HMGN5: variants seen among roughly 807,000 people sequenced by gnomAD.
The protein encoded by HMGN5 is high mobility group nucleosome-binding domain-containing protein 5.
Under a neutral mutation model 9.5 loss-of-function variants are expected in HMGN5, and 4 were observed. The ratio of observed to expected loss-of-function variants is 0.42; its 90% confidence interval spans 0.21 to 0.96. The LOEUF is 0.96. Ranked by LOEUF, HMGN5 falls within the 40% of genes least tolerant of loss-of-function variation. The pLI is 0.30. For synonymous variants in HMGN5, 55 were observed against 57.1 expected (o/e 0.96, Z 0.16); for missense variants, 192 against 187.5 (o/e 1.02, Z -0.14).
chrX:81,184,280 T>C (rs1280066106), intron 1 of HMGN5, among the ~76,000 whole-genome samples: 1 of 111,471 alleles, frequency 9.0e-6, no homozygotes, highest in African/African-American at 3.3e-5. Flanking sequence ...TATAGTACCT[T>C]CTGCCCCCTT....
intron 1 of HMGN5, among the ~76,000 whole-genome samples, chrX:81,135,285 A>G (rs2075308185): frequency 8.9e-6 from 1 of 111,800 alleles, no homozygotes; most frequent in Admixed American, 9.5e-5. Context: ...AAAAAGACAA[A>G]CAACCCAATT....
At chrX:81,147,399 GT>G (rs1028263654) in intron 1 of HMGN5, among the ~76,000 whole-genome samples, 4 of 111,418 alleles carry the variant, frequency 3.6e-5, no homozygotes, top group Non-Finnish European at 7.5e-5. Context: ...CAAAAACCAC[GT>G]GATTATTTAA....
At position 81,119,952 on chromosome X, in the gene HMGN5, G is replaced by T. The variant is rs766586208; in HGVS notation, c.16-135C>A. ...CCTGGGTTCCTGCTCAAGTAGACAC[G>T]TGTTGTTTCTTAGGAACCATGCTAC... On this transcript the variant is annotated intron_variant, in intron 2 of 6. Transcript: ENST00000358130. 9.0e-6 allele frequency: 5 copies of T among 554,730 alleles called. No homozygotes were observed. The African/African-American group carries it at 9.2e-5, about 10-fold the overall frequency. 45.7% of individuals were successfully genotyped at this position (554,730 alleles called of 1,213,427 possible).
At chrX:81,122,362 G>C (rs2075271599) in intron 1 of HMGN5, among the ~76,000 whole-genome samples, 1 of 111,864 alleles carries the variant, frequency 8.9e-6, no homozygotes, top group African/African-American at 3.2e-5. Flanking sequence ...CTATCCAAAT[G>C]AAAAACACTG....
intron 1 of HMGN5, among the ~76,000 whole-genome samples, chrX:81,198,997 A>G (rs1462554599): frequency 1.8e-5 from 2 of 111,922 alleles, no homozygotes; most frequent in Non-Finnish European, 3.8e-5. Flanking sequence ...TCAGCCCAAA[A>G]TCTCCTTAAG....
intron 1 of HMGN5, among the ~76,000 whole-genome samples, chrX:81,140,384 C>G (rs185075377): frequency 5.5e-5 from 6 of 109,745 alleles, no homozygotes; most frequent in African/African-American, 2.0e-4. Flanking sequence ...CAAGGTGAAA[C>G]CCCGTCTCTG....
intron 1 of HMGN5, among the ~76,000 whole-genome samples, chrX:81,148,000 A>G (rs2075350129): frequency 8.9e-6 from 1 of 111,979 alleles, no homozygotes; most frequent in South Asian, 3.7e-4. Context: ...AACAAATGGA[A>G]AAACATTCCA....
At chrX:81,170,095 A>T (rs1473260321) in intron 1 of HMGN5, among the ~76,000 whole-genome samples, 7 of 107,589 alleles carry the variant, frequency 6.5e-5, no homozygotes, top group African/African-American at 2.4e-4. Context: ...TACCACCAGC[A>T]GCAATAACCT....
chrX:81,177,620 C>G (rs2075447157), intron 1 of HMGN5, among the ~76,000 whole-genome samples: 1 of 110,018 alleles, frequency 9.1e-6, no homozygotes, highest in African/African-American at 3.3e-5. Flanking sequence ...TAATGGGAGA[C>G]TTTAACACCC....
chrX:81,190,573 T>G (rs1427564468), intron 1 of HMGN5, among the ~76,000 whole-genome samples: 1 of 111,714 alleles, frequency 9.0e-6, no homozygotes, highest in Non-Finnish European at 1.9e-5. Context: ...TTTGTTAATT[T>G]TAATGATGTT....
At chrX:81,117,259 C>G (rs757299246) in intron 5 of HMGN5, among the ~76,000 whole-genome samples, 1 of 78,401 alleles carries the variant, frequency 1.3e-5, no homozygotes, top group Non-Finnish European at 2.4e-5. Flanking sequence ...CTTTTTTTTC[C>G]GTTTTTTTTT....
At chrX:81,168,822 TCTGTGATCC>T (rs2075418020) in intron 1 of HMGN5, among the ~76,000 whole-genome samples, 1 of 111,753 alleles carries the variant, frequency 8.9e-6, no homozygotes. Flanking sequence ...ACTTTCTATG[TCTGTGATCC>T]CAGTGCTTGG....
At chrX:81,153,227 C>T (rs1012912148) in intron 1 of HMGN5, among the ~76,000 whole-genome samples, 4 of 108,186 alleles carry the variant, frequency 3.7e-5, no homozygotes, top group Admixed American at 2.0e-4. Context: ...AAATCCTCAA[C>T]GAAATACTTC....
intron 1 of HMGN5, among the ~76,000 whole-genome samples, chrX:81,159,457 G>A (rs888671400): frequency 4.5e-5 from 5 of 111,227 alleles, no homozygotes; most frequent in African/African-American, 9.8e-5. Context: ...CTATCAATAC[G>A]TGTAGTGCTT....
At chrX:81,151,512 G>A (rs1275492522) in intron 1 of HMGN5, among the ~76,000 whole-genome samples, 4 of 109,311 alleles carry the variant, frequency 3.7e-5, no homozygotes, top group Non-Finnish European at 5.8e-5. Flanking sequence ...GATGGGGATG[G>A]CATTGAATCT....
At chrX:81,169,422 C>G (rs779396473) in intron 1 of HMGN5, among the ~76,000 whole-genome samples, 1 of 111,401 alleles carries the variant, frequency 9.0e-6, no homozygotes, top group Admixed American at 9.6e-5. Context: ...TATCCTCAAC[C>G]ACTGTTCCAC....
chrX:81,198,912 C>CA (rs1373520854), intron 1 of HMGN5, among the ~76,000 whole-genome samples: 3 of 111,598 alleles, frequency 2.7e-5, no homozygotes, highest in Non-Finnish European at 5.6e-5. Context: ...AATGGGTATT[C>CA]AATTAGGAAA....
chrX:81,130,409 C>T, intron 1 of HMGN5, among the ~76,000 whole-genome samples: 1 of 111,501 alleles, frequency 9.0e-6, no homozygotes, highest in Non-Finnish European at 1.9e-5. Context: ...GATGATAAAG[C>T]TAGTAATTGT....
At position 81,114,533 on chromosome X, in the gene HMGN5, A is replaced by T; in HGVS notation, c.*116T>A. 2 of 659,392 alleles carry T rather than the reference A, an allele frequency of 3.0e-6. No homozygotes were observed. The highest frequency in any genetic ancestry group is 2.3e-5 in the African/African-American group (1 of 44,235). The allele number at this position is 659,392 out of a possible 1,213,427, so 54.3% of individuals were successfully genotyped here. A position where few individuals can be genotyped will look rare whatever the true frequency, so the allele number is the denominator to read the frequency against. On this transcript the variant is annotated 3_prime_UTR_variant, in exon 7 of 7. Coordinates refer to ENST00000358130, the MANE Select transcript of HMGN5 (RefSeq NM_030763.3). ...ATCAATATGAAGATGTTCTGAAATT[A>T]AATCAATGCTAAAGAAAGGCTGTGT...
Sources: gnomAD v4.1 joint callset for allele counts (sites outside exome capture counted in the v4.1 genomes callset) on GRCh38, gnomAD v4.1.1 for gene constraint, MANE v1.5 for transcripts, NCBI Gene and HGNC (gene_info 2026-07-23, HGNC 2026-07-21) for gene names.